Variants in SORCS2 observed in about 807,000 individuals in gnomAD.
SORCS2 encodes the protein sortilin related VPS10 domain containing receptor 2.
SORCS2 carries 100 observed loss-of-function variants against 141.6 expected under a neutral mutation model. That is an observed-to-expected ratio of 0.71 (90% confidence interval 0.60 to 0.83). The LOEUF is 0.83. SORCS2 is among the 40% of genes least tolerant of loss of function. The pLI is 0.00. For synonymous variants in SORCS2, 789 were observed against 676.9 expected (o/e 1.17, Z -2.57); for missense variants, 1,646 against 1,560.2 (o/e 1.05, Z -0.93).
At position 7,509,719 on chromosome 4, in the gene SORCS2, A is replaced by G. The variant is rs138890763; in HGVS notation, c.549-21811A>G. Among the ~76,000 whole-genome samples the G allele has an allele frequency of 2.0e-3, 302 of 152,288 alleles. 3 individuals carry two copies. Among genetic ancestry groups the G allele is most frequent in the African/African-American group, 6.8e-3 (282 of 41,572 alleles). On this transcript the variant is annotated intron_variant, in intron 2 of 26. Coordinates refer to ENST00000507866, the MANE Select transcript of SORCS2 (RefSeq NM_020777.3). Reference sequence around the variant, plus strand: ...GGGGAAGCCATTCTGCTGCCAGGCTATGCCCCATCTGGGCTCTGGAGAGAA... The same window carrying G: ...GGGGAAGCCATTCTGCTGCCAGGCTGTGCCCCATCTGGGCTCTGGAGAGAA...
chr4:7,397,666 C>A (rs1217846363), intron 2 of SORCS2, among the ~76,000 whole-genome samples: 1 of 152,084 alleles, frequency 6.6e-6, no homozygotes, highest in East Asian at 1.9e-4. Context: ...TTCACTACTT[C>A]GAGACGAGAG....
At chr4:7,622,513 C>T (rs1474018174) in intron 3 of SORCS2, among the ~76,000 whole-genome samples, 7 of 152,228 alleles carry the variant, frequency 4.6e-5, no homozygotes, top group Non-Finnish European at 1.0e-4. Flanking sequence ...CCCTCTGCTG[C>T]TGCGTCCTGC....
intron 2 of SORCS2, among the ~76,000 whole-genome samples, chr4:7,487,793 G>T (rs943390142): frequency 2.6e-5 from 4 of 152,148 alleles, no homozygotes; most frequent in African/African-American, 4.8e-5. Flanking sequence ...ATCCCCAGCA[G>T]CTACGGTACC....
chr4:7,582,864 C>T (rs1716253500), intron 3 of SORCS2, among the ~76,000 whole-genome samples: 1 of 152,144 alleles, frequency 6.6e-6, no homozygotes, highest in South Asian at 2.1e-4. Context: ...ATTGGCCCAG[C>T]TGGTCATGCC....
intron 2 of SORCS2, among the ~76,000 whole-genome samples, chr4:7,456,592 G>A (rs1270740303): frequency 6.6e-6 from 1 of 152,194 alleles, no homozygotes; most frequent in Non-Finnish European, 1.5e-5. Context: ...TGGAGAAGAA[G>A]GTGGCTTCTG....
At chr4:7,637,455 G>C (rs749691659) in intron 3 of SORCS2, among the ~76,000 whole-genome samples, 10 of 152,232 alleles carry the variant, frequency 6.6e-5, no homozygotes, top group African/African-American at 2.2e-4. Context: ...TTTAGACAGG[G>C]TCTTTGAGCG....
At position 7,484,073 on chromosome 4, in the gene SORCS2, C is replaced by T. The variant is rs1487532957; in HGVS notation, c.549-47457C>T. Among the ~76,000 whole-genome samples, 3 of 152,324 alleles carry T rather than the reference C, an allele frequency of 2.0e-5. No individual in the cohort carries two copies. The South Asian group carries it at 6.2e-4, about 32-fold the overall frequency. ...CGAGCATTTAAGTGTTTTTACCTCT[C>T]TTTGCTTGCCTGGTGTTTCCTAGAA... On this transcript the variant is annotated intron_variant, in intron 2 of 26. Transcript: ENST00000507866.
chr4:7,655,969 C>T (rs1365732929), intron 5 of SORCS2, among the ~76,000 whole-genome samples: 1 of 152,226 alleles, frequency 6.6e-6, no homozygotes, highest in African/African-American at 2.4e-5. Flanking sequence ...CCCAAGTTTC[C>T]CTGCTGTTAC....
Position 7,254,317 on chromosome 4 carries a change from A to T in SORCS2, c.480+61191A>T, listed in dbSNP as rs149121631. On this transcript the variant is annotated intron_variant, in intron 1 of 26. Transcript: ENST00000507866. Reference sequence around the variant, plus strand: ...GATAAAGGAAATGTGGTCTAGACACACCATGGAATACTATTCTGCCATAAA... The same window carrying T: ...GATAAAGGAAATGTGGTCTAGACACTCCATGGAATACTATTCTGCCATAAA... Among the ~76,000 whole-genome samples, 10 of 152,362 alleles carry T rather than the reference A, an allele frequency of 6.6e-5. No homozygotes were observed. In the East Asian group the frequency reaches 1.7e-3, roughly 26 times the overall value.
chr4:7,625,148 T>C (rs1056642052), intron 3 of SORCS2, among the ~76,000 whole-genome samples: 1 of 152,208 alleles, frequency 6.6e-6, no homozygotes, highest in African/African-American at 2.4e-5. Context: ...ATTTTAGCAA[T>C]TGTCAGGCCA....
At chr4:7,364,421 A>G (rs1721760465) in intron 1 of SORCS2, among the ~76,000 whole-genome samples, 1 of 152,130 alleles carries the variant, frequency 6.6e-6, no homozygotes, top group South Asian at 2.1e-4. Context: ...TCTGGGCTGG[A>G]TCCAGAGTTC....
At chr4:7,377,608 G>A (rs1722743523) in intron 1 of SORCS2, among the ~76,000 whole-genome samples, 1 of 152,232 alleles carries the variant, frequency 6.6e-6, no homozygotes. Context: ...TCAAGTTGAT[G>A]GAGATGGCTC....
intron 3 of SORCS2, among the ~76,000 whole-genome samples, chr4:7,604,993 G>A (rs974380206): frequency 2.0e-5 from 3 of 152,298 alleles, no homozygotes; most frequent in Admixed American, 6.5e-5. Context: ...TTTCAGCCAC[G>A]AATAATGTAA....
chr4:7,302,770 TGTGTGTGTGTGTGTGTGTGCGCGCGC>T (rs1717519334), intron 1 of SORCS2, among the ~76,000 whole-genome samples: 7 of 41,948 alleles, frequency 1.7e-4, no homozygotes, highest in Admixed American at 3.8e-4. Flanking sequence ...AGTCCACATA[TGTGTGTGTGTGTGTGTGTGCGCGCGC>T]GTGTGTGTGT....
chr4:7,429,137 C>A (rs1402378843), intron 2 of SORCS2, among the ~76,000 whole-genome samples: 2 of 152,144 alleles, frequency 1.3e-5, no homozygotes, highest in South Asian at 4.1e-4. Context: ...GAGGCACATG[C>A]GTGAGTGTGT....
chr4:7,249,816 C>A (rs879658856), intron 1 of SORCS2, among the ~76,000 whole-genome samples: 10 of 152,168 alleles, frequency 6.6e-5, no homozygotes, highest in African/African-American at 2.4e-4. Flanking sequence ...GATGCCAGGA[C>A]CCGCAGGTTT....
At chr4:7,632,797 G>A (rs147664245) in intron 3 of SORCS2, among the ~76,000 whole-genome samples, 4 of 152,212 alleles carry the variant, frequency 2.6e-5, no homozygotes, top group African/African-American at 9.6e-5. Context: ...GAGGCTGGCA[G>A]CAGAAGCAGA....
At chr4:7,576,602 C>G (rs1228736090) in intron 3 of SORCS2, among the ~76,000 whole-genome samples, 1 of 152,164 alleles carries the variant, frequency 6.6e-6, no homozygotes, top group Non-Finnish European at 1.5e-5. Context: ...AGAGCTGGTG[C>G]TCAAAGGCCT....
chr4:7,222,025 C>T (rs1010353863), intron 1 of SORCS2, among the ~76,000 whole-genome samples: 4 of 152,088 alleles, frequency 2.6e-5, no homozygotes, highest in Non-Finnish European at 4.4e-5. Flanking sequence ...TGATGACCCA[C>T]CCGGGCCAGG....
Sources: allele counts gnomAD v4.1 joint callset (sites outside exome capture counted in the v4.1 genomes callset), GRCh38; gene constraint gnomAD v4.1.1; transcripts MANE v1.5; gene names NCBI Gene and HGNC (gene_info 2026-07-23, HGNC 2026-07-21).